The following CSGALNACT2 variants were observed in gnomAD, a reference collection of about 807,000 sequenced individuals.
CSGALNACT2 encodes the protein chondroitin sulfate N-acetylgalactosaminyltransferase 2.
In CSGALNACT2, 35 loss-of-function variants were observed where a neutral mutation model predicts 55.3. The ratio of observed to expected loss-of-function variants is 0.63; its 90% CI spans 0.48 to 0.84. The LOEUF is 0.84. Among genes scored for constraint, CSGALNACT2 ranks in the 40% least tolerant of loss-of-function variants. The pLI, the probability that CSGALNACT2 is intolerant of heterozygous loss-of-function variation, is 0.00. For missense variants in CSGALNACT2, 544 were observed against 657.5 expected (o/e 0.83, Z 1.89); for synonymous variants, 196 against 224.9 (o/e 0.87, Z 1.15).
intron 1 of CSGALNACT2, among the ~76,000 whole-genome samples, chr10:43,141,624 CAAAAAAAAAAA>C (rs58889701): frequency 1.7e-4 from 12 of 68,934 alleles, no homozygotes; most frequent in Non-Finnish European, 2.2e-4. Context: ...GAAACTGTCT[CAAAAAAAAAAA>C]AAAAAAAAAA....
chr10:43,140,704 A>G (rs1838602335), intron 1 of CSGALNACT2, among the ~76,000 whole-genome samples: 1 of 152,284 alleles, frequency 6.6e-6, no homozygotes, highest in African/African-American at 2.4e-5. Flanking sequence ...CGGGACTGCA[A>G]GTCAAAGAAC....
In CSGALNACT2 at chr10:43,154,954, A is replaced by G. The variant is rs749025041; in HGVS notation, c.-196A>G. 20 of 566,486 alleles carry G rather than the reference A, an allele frequency of 3.5e-5. No homozygotes were observed. Among genetic ancestry groups the G allele is most frequent in the Non-Finnish European group, 5.0e-5 (16 of 321,048 alleles). 35.1% of individuals were successfully genotyped at this position (566,486 alleles called of 1,614,324 possible). On this transcript the variant is annotated 5_prime_UTR_variant, in exon 2 of 8. It removes an upstream start codon present in the reference 5' UTR. Transcript: ENST00000374466. ...ATCAGATTGCTTTATTCTGGATATC[A>G]TGGTAACAATACAGAAAGTATACAT...
intron 4 of CSGALNACT2, among the ~76,000 whole-genome samples, chr10:43,161,042 C>T (rs1280747432): frequency 6.6e-6 from 1 of 152,162 alleles, no homozygotes; most frequent in Non-Finnish European, 1.5e-5. Context: ...TGTTATGTTT[C>T]TGTCCTTTCA....
intron 1 of CSGALNACT2, among the ~76,000 whole-genome samples, chr10:43,148,241 C>T (rs2505508): frequency 0.24 from 36,605 of 152,094 alleles, 4,588 homozygotes; most frequent in Non-Finnish European, 0.28. Context: ...AAGTTCCATT[C>T]CATTGACTAT....
chr10:43,157,662 A>G (rs1839043508), intron 2 of CSGALNACT2, among the ~76,000 whole-genome samples: 2 of 152,076 alleles, frequency 1.3e-5, no homozygotes, highest in Non-Finnish European at 2.9e-5. Context: ...TCACCATTTT[A>G]TACCCAGATA....
At chr10:43,149,838 C>T (rs575082905) in intron 1 of CSGALNACT2, among the ~76,000 whole-genome samples, 35 of 152,224 alleles carry the variant, frequency 2.3e-4, no homozygotes, top group African/African-American at 7.0e-4. Context: ...GAGGCTGAGG[C>T]GGGTGGATCA....
chr10:43,161,354 T>C (rs760345748), intron 4 of CSGALNACT2, among the ~76,000 whole-genome samples: 5 of 152,384 alleles, frequency 3.3e-5, no homozygotes, highest in Middle Eastern at 3.4e-3. Context: ...AATGTAAGTA[T>C]GATGTAATGT....
At chr10:43,166,676 C>A (rs1047796948) in intron 5 of CSGALNACT2, among the ~76,000 whole-genome samples, 20 of 152,182 alleles carry the variant, frequency 1.3e-4, no homozygotes, top group African/African-American at 4.3e-4. Context: ...AGAGGTTAAT[C>A]TACGTTTATT....
chr10:43,185,265 A>C lies in CSGALNACT2; in HGVS notation c.*1723A>C, dbSNP rs1839672133. On this transcript the variant is annotated 3_prime_UTR_variant, in exon 8 of 8. Coordinates refer to ENST00000374466, the MANE Select transcript of CSGALNACT2 (RefSeq NM_018590.5). ...TGCTATACGTTTTTGACATTTATTA[A>C]ATGGTACCAATAAAGTATTTTATTA... 1 of 152,266 alleles carries C rather than the reference A, an allele frequency of 6.6e-6. No individual in the cohort carries two copies. The highest frequency in any genetic ancestry group is 1.5e-5 in the Non-Finnish European group (1 of 68,038). 9.4% of individuals were successfully genotyped at this position (152,266 alleles called of 1,614,324 possible). A position where few individuals can be genotyped will look rare whatever the true frequency, so the allele number is the denominator to read the frequency against.
In CSGALNACT2 at chr10:43,145,027, A is replaced by G. The variant is rs114918522; in HGVS notation, c.-254+6460A>G. Among the ~76,000 whole-genome samples, 1,143 of 152,254 alleles carry G rather than the reference A, an allele frequency of 7.5e-3. 18 individuals are homozygous for G. Among genetic ancestry groups the G allele is most frequent in the African/African-American group, 0.026 (1,084 of 41,534 alleles). On this transcript the variant is annotated intron_variant, in intron 1 of 7. Coordinates refer to ENST00000374466, the MANE Select transcript of CSGALNACT2 (RefSeq NM_018590.5). Reference sequence around the variant, plus strand: ...CAGTGTTCCATTGTGTATCTGTTTTACTACAGTTTGTCCATTCACCTGTTG... The same window carrying G: ...CAGTGTTCCATTGTGTATCTGTTTTGCTACAGTTTGTCCATTCACCTGTTG...
Position 43,183,363 on chromosome 10 carries a change from C to T in CSGALNACT2, c.1450C>T (p.Leu484Phe). 6.2e-7 allele frequency: 1 copy of T among 1,614,120 alleles called. No homozygotes were observed. The highest frequency in any genetic ancestry group is 1.3e-5 in the African/African-American group (1 of 75,024). Residue 484 changes from leucine (L) to phenylalanine (F), a missense_variant, in exon 8 of 8, where the codon CTC (leucine) becomes TTC (phenylalanine). Physicochemically the swap from Leu to Phe is conservative, Grantham distance 22. Coordinates refer to ENST00000374466, the MANE Select transcript of CSGALNACT2 (RefSeq NM_018590.5). Reference protein sequence around the residue: ...IRTPVPGLFHLWHEKRCADEL... With the variant: ...IRTPVPGLFHFWHEKRCADEL... ...GACTCCGGTTCCTGGTCTTTTCCAC[C>T]TCTGGCATGAAAAGCGCTGTGCTGA...
At chr10:43,181,154 T>G (rs910389721) in intron 7 of CSGALNACT2, among the ~76,000 whole-genome samples, 1 of 152,216 alleles carries the variant, frequency 6.6e-6, no homozygotes, top group Non-Finnish European at 1.5e-5. Flanking sequence ...CCCTGGAGTT[T>G]TTAACACTCA....
intron 3 of CSGALNACT2, among the ~76,000 whole-genome samples, chr10:43,160,133 G>T (rs1839113073): frequency 6.6e-6 from 1 of 152,228 alleles, no homozygotes; most frequent in African/African-American, 2.4e-5. Flanking sequence ...GAATTAGCCA[G>T]TCTGAAGACA....
intron 7 of CSGALNACT2, among the ~76,000 whole-genome samples, chr10:43,181,291 A>G (rs1416624116): frequency 6.6e-6 from 1 of 152,158 alleles, no homozygotes; most frequent in East Asian, 1.9e-4. Flanking sequence ...TATCTGTCTC[A>G]CCAGTTTTGA....
chr10:43,159,614 T>C (rs969011177), intron 3 of CSGALNACT2, among the ~76,000 whole-genome samples: 2 of 152,310 alleles, frequency 1.3e-5, no homozygotes, highest in African/African-American at 4.8e-5. Context: ...AGTTTTTTAA[T>C]TGAAATACAT....
At chr10:43,161,633 A>G (rs558266611) in intron 4 of CSGALNACT2, among the ~76,000 whole-genome samples, 46 of 152,188 alleles carry the variant, frequency 3.0e-4, no homozygotes, top group African/African-American at 1.1e-3. Context: ...GCCTTGATGT[A>G]TATAGACACA....
chr10:43,145,999 CTCTAA>C (rs1183652353), intron 1 of CSGALNACT2, among the ~76,000 whole-genome samples: 6 of 152,122 alleles, frequency 3.9e-5, no homozygotes, highest in Non-Finnish European at 8.8e-5. Flanking sequence ...AAGACTCTCT[CTCTAA>C]AAAAAGATTT....
rs1839222101 is a variant in CSGALNACT2 at position 43,164,644 on chromosome 10, T to C, written c.1159+600T>C. ...CGGGTGGATCATGAGGTCAAGAGAT[T>C]GAGACCATCCTGGCCAACATGGTGA... On this transcript the variant is annotated intron_variant, in intron 5 of 7. Coordinates refer to ENST00000374466, the MANE Select transcript of CSGALNACT2 (RefSeq NM_018590.5). 3.3e-5 allele frequency among the ~76,000 whole-genome samples: 5 copies of C among 151,512 alleles called. 1 individual carries two copies. In the South Asian group the frequency reaches 1.0e-3, roughly 32 times the overall value.
At chr10:43,162,744 GAAAA>G in intron 4 of CSGALNACT2, 3 of 954,608 alleles carry the variant, frequency 3.1e-6, no homozygotes, top group Non-Finnish European at 3.7e-6. Flanking sequence ...GAGGACTTGT[GAAAA>G]TGTAGAGGCT....
Sources: gnomAD v4.1 joint callset for allele counts (sites outside exome capture counted in the v4.1 genomes callset) on GRCh38, gnomAD v4.1.1 for gene constraint, MANE v1.5 for transcripts, NCBI Gene and HGNC (gene_info 2026-07-23, HGNC 2026-07-21) for gene names.